Variants in CPLX1 observed in about 807,000 individuals in gnomAD.
CPLX1 encodes the protein complexin 1, also known as complexin-1.
In CPLX1, 6 loss-of-function variants were observed where a neutral mutation model predicts 15.6. The ratio of observed to expected loss-of-function variants is 0.39; its 90% CI spans 0.21 to 0.76. The LOEUF (loss-of-function observed/expected upper bound fraction) is 0.76. Ranked by LOEUF, CPLX1 falls within the 30% of genes least tolerant of loss-of-function variation. The pLI is 0.43. For synonymous variants in CPLX1, 91 were observed against 75.2 expected (o/e 1.21, Z -1.08); for missense variants, 242 against 188.6 (o/e 1.28, Z -1.66).
In CPLX1 at chr4:791,535, G is replaced by A. The variant is rs1252445848; in HGVS notation, c.207+898C>T. ...CCCCGTGAAGCCCACCCTTCCCTGG[G>A]TGCGGCTGACACAAGGCCAGGAAAC... On this transcript the variant is annotated intron_variant, in intron 3 of 3. Transcript: ENST00000304062. Among the ~76,000 whole-genome samples, 4 of 152,202 alleles carry A rather than the reference G, an allele frequency of 2.6e-5. No homozygotes were observed. In the East Asian group the frequency reaches 7.7e-4, roughly 29 times the overall value.
intron 2 of CPLX1, among the ~76,000 whole-genome samples, chr4:801,780 C>T (rs34163945): frequency 0.14 from 21,399 of 152,228 alleles, 1,718 homozygotes; most frequent in African/African-American, 0.2. Flanking sequence ...CACGAAAAGA[C>T]ACACGTGGCT....
At chr4:805,300 C>T (rs999490098) in intron 2 of CPLX1, among the ~76,000 whole-genome samples, 8 of 152,326 alleles carry the variant, frequency 5.3e-5, no homozygotes, top group Middle Eastern at 6.8e-3. Flanking sequence ...GGGTTACACA[C>T]GAGGTTCACA....
intron 2 of CPLX1, among the ~76,000 whole-genome samples, chr4:810,909 A>T (rs528100017): frequency 6.6e-6 from 1 of 151,746 alleles, no homozygotes; most frequent in East Asian, 1.9e-4. Context: ...GTTGGCCAGG[A>T]TGGTCTCGAA....
intron 1 of CPLX1, among the ~76,000 whole-genome samples, chr4:825,661 A>C (rs973373030): frequency 6.6e-6 from 1 of 151,282 alleles, no homozygotes; most frequent in African/African-American, 2.4e-5. Context: ...AGCGAGGAGG[A>C]GGCCGGGCGC....
intron 2 of CPLX1, among the ~76,000 whole-genome samples, chr4:822,056 C>A (rs567219554): frequency 3.3e-5 from 5 of 152,290 alleles, no homozygotes; most frequent in African/African-American, 7.2e-5. Flanking sequence ...CTTAGCAGTT[C>A]ATTTCTAATG....
chr4:805,696 C>G (rs1746544127), intron 2 of CPLX1, among the ~76,000 whole-genome samples: 1 of 152,228 alleles, frequency 6.6e-6, no homozygotes, highest in Non-Finnish European at 1.5e-5. Flanking sequence ...GAGGGAGAAA[C>G]AACCCAGGGT....
intron 3 of CPLX1, among the ~76,000 whole-genome samples, chr4:789,664 C>T (rs1031642244): frequency 2.0e-5 from 3 of 152,210 alleles, no homozygotes; most frequent in Non-Finnish European, 1.5e-5. Context: ...CAGTCTCCCT[C>T]CTGCTCCCTG....
rs867964252 is a variant in CPLX1, at chr4:810,700, C to T, written c.31+13792G>A. Reference sequence around the variant, plus strand: ...TTTGCACATTTTCTTTTTTCTTTTTCTTTTTTTTTTTTCGAGATGGAATTT... The same window carrying T: ...TTTGCACATTTTCTTTTTTCTTTTTTTTTTTTTTTTTTCGAGATGGAATTT... On this transcript the variant is annotated intron_variant, in intron 2 of 3. Transcript: ENST00000304062. Among the ~76,000 whole-genome samples, 98 of 144,802 alleles carry T rather than the reference C, an allele frequency of 6.8e-4. 1 individual carries two copies. Among genetic ancestry groups the T allele is most frequent in the African/African-American group, 2.1e-3 (85 of 39,694 alleles). The allele number at this position is 144,802 out of a possible 152,430, so 95.0% of individuals were successfully genotyped here. A position where few individuals can be genotyped will look rare whatever the true frequency, so the allele number is the denominator to read the frequency against.
chr4:787,487 G>A (rs1746035186), intron 3 of CPLX1: 6 of 773,026 alleles, frequency 7.8e-6, no homozygotes, highest in Non-Finnish European at 9.4e-6. Context: ...ATGGGGACGA[G>A]GCCATCCTGG....
rs574603697 is a variant in CPLX1, at chr4:802,572, A to G, written c.32-9964T>C. ...CAAATACTAAAAACATGACCAAATC[A>G]CTAAGTATGGAAGCCCAAATATTAG... On this transcript the variant is annotated intron_variant, in intron 2 of 3. Transcript: ENST00000304062. Among the ~76,000 whole-genome samples the G allele has an allele frequency of 4.6e-5, 7 of 152,344 alleles. No homozygotes were observed. In the South Asian group the frequency reaches 1.2e-3, roughly 27 times the overall value.
intron 2 of CPLX1, among the ~76,000 whole-genome samples, chr4:820,189 TCCTCCCGGAC>T (rs1443572323): frequency 3.4e-5 from 5 of 146,560 alleles, no homozygotes; most frequent in South Asian, 4.5e-4. Flanking sequence ...AGCTCCACCG[TCCTCCCGGAC>T]CCAGCTCAGC....
At chr4:817,420 T>C (rs1210573182) in intron 2 of CPLX1, among the ~76,000 whole-genome samples, 1 of 148,868 alleles carries the variant, frequency 6.7e-6, no homozygotes, top group African/African-American at 2.5e-5. Flanking sequence ...TAGCCAGGCG[T>C]GGTGGCAGGC....
chr4:787,558 C>A (rs1746037974), intron 3 of CPLX1: 4 of 663,206 alleles, frequency 6.0e-6, no homozygotes, highest in Non-Finnish European at 5.6e-6. Flanking sequence ...GACAGACACC[C>A]GGATGGGGGC....
At chr4:822,481 C>T (rs551349376) in intron 2 of CPLX1, among the ~76,000 whole-genome samples, 1 of 152,134 alleles carries the variant, frequency 6.6e-6, no homozygotes, top group East Asian at 1.9e-4. Context: ...TGTCCCTGTG[C>T]GTGCTGAATA....
intron 1 of CPLX1, 71 bp from the exon 2 acceptor site, chr4:824,672 T>G: frequency 1.2e-6 from 1 of 837,264 alleles, no homozygotes; most frequent in Non-Finnish European, 2.0e-6. Context: ...GAGACCATCA[T>G]TCCTTACCCG....
intron 2 of CPLX1, among the ~76,000 whole-genome samples, chr4:814,353 C>T (rs1203689217): frequency 6.6e-6 from 1 of 152,204 alleles, no homozygotes; most frequent in Non-Finnish European, 1.5e-5. Context: ...GCTTGGACTA[C>T]AGGTGCCTGC....
At chr4:789,025 C>T (rs1203654826) in intron 3 of CPLX1, among the ~76,000 whole-genome samples, 1 of 152,204 alleles carries the variant, frequency 6.6e-6, no homozygotes, top group East Asian at 1.9e-4. Flanking sequence ...CAGGCCCTGC[C>T]ACCAGGTTGT....
chr4:815,897 A>G (rs2152647798), intron 2 of CPLX1, among the ~76,000 whole-genome samples: 1 of 152,322 alleles, frequency 6.6e-6, no homozygotes, highest in African/African-American at 2.4e-5. Context: ...TACTGATTCC[A>G]TATCTCATCA....
At chr4:796,686 A>C (rs1341029554) in intron 2 of CPLX1, among the ~76,000 whole-genome samples, 1 of 152,234 alleles carries the variant, frequency 6.6e-6, no homozygotes, top group Non-Finnish European at 1.5e-5. Flanking sequence ...TAAATAAAGA[A>C]AGACACTTGT....
Sources: allele counts gnomAD v4.1 joint callset (sites outside exome capture counted in the v4.1 genomes callset), GRCh38; gene constraint gnomAD v4.1.1; transcripts MANE v1.5; gene names NCBI Gene and HGNC (gene_info 2026-07-23, HGNC 2026-07-21).